TMEM235: variants seen among roughly 807,000 people sequenced by gnomAD.
The protein encoded by TMEM235 is claudin-27.
Under a neutral mutation model 22.9 loss-of-function variants are expected in TMEM235, and 23 were observed. That is an observed-to-expected ratio of 1.00 (90% CI 0.72 to 1.42). The LOEUF (loss-of-function observed/expected upper bound fraction) is 1.42, where lower values mean the gene tolerates loss of function less well. Among genes scored for constraint, TMEM235 ranks in the 40% most tolerant of loss-of-function variants. The pLI, the probability that TMEM235 is intolerant of heterozygous loss-of-function variation, is 0.00. For synonymous variants in TMEM235, 137 were observed against 140.5 expected (o/e 0.98, Z 0.17); for missense variants, 308 against 299.5 (o/e 1.03, Z -0.21).
exon 6 of TMEM235, chr17:78,240,699 C>T (rs906833555): frequency 2.0e-5 from 3 of 152,262 alleles, no homozygotes; most frequent in Admixed American, 1.3e-4. Context: ...TGCCCCACCC[C>T]TAGGTCTCTT....
chr17:78,232,212 A>C (rs1414161253), exon 2 of TMEM235: 1 of 1,462,076 alleles, frequency 6.8e-7, no homozygotes, highest in Non-Finnish European at 9.0e-7. Context: ...GCATCTGCGA[A>C]GGTAACCGGC....
chr17:78,235,524 T>C (rs1005416478), intron 4 of TMEM235, among the ~76,000 whole-genome samples: 2 of 151,262 alleles, frequency 1.3e-5, no homozygotes, highest in Non-Finnish European at 2.9e-5. Context: ...TGACCTCAGG[T>C]AATCCACCTG....
exon 2 of TMEM235, chr17:78,231,600 C>A: frequency 7.7e-7 from 1 of 1,303,364 alleles, no homozygotes. Flanking sequence ...CTCCTGGGGT[C>A]GGTCTCTGGC....
chr17:78,232,010 C>T, exon 2 of TMEM235: 3 of 1,268,350 alleles, frequency 2.4e-6, no homozygotes, highest in Middle Eastern at 3.0e-4. Context: ...CGTCCCCTCC[C>T]GCCGGCCGCC....
exon 2 of TMEM235, chr17:78,231,852 A>C: frequency 8.6e-7 from 1 of 1,163,570 alleles, no homozygotes; most frequent in Non-Finnish European, 1.1e-6. Context: ...TCTCCCTGCG[A>C]CCCCAGGGGG....
Position 78,238,391 on chromosome 17 carries a change from G to A in TMEM235, c.410-633G>A, listed in dbSNP as rs2076667512. Among the ~76,000 whole-genome samples the A allele has an allele frequency of 2.6e-5, 4 of 152,102 alleles. No individual in the cohort carries two copies. The stretch of plus-strand genomic sequence containing the variant: ...GGAAGGGCCTGAAACTCAGAGCTGG[G>A]AGGACAGGGGGGCTCTGGAAGGGGA... On this transcript the variant is annotated intron_variant, in intron 4 of 5. Transcript: ENST00000421688. The surrounding 1 kb of genome is among the most constrained non-coding windows in gnomAD (Gnocchi z 4.3).
intron 5 of TMEM235, 82 bp downstream of exon 4, chr17:78,239,355 T>C: frequency 6.9e-7 from 1 of 1,439,958 alleles, no homozygotes; most frequent in Middle Eastern, 2.4e-4. Flanking sequence ...TGGGAATCCC[T>C]TCTCTGGGCC....
chr17:78,236,821 T>C (rs375370126), intron 4 of TMEM235, among the ~76,000 whole-genome samples: 7 of 152,236 alleles, frequency 4.6e-5, no homozygotes, highest in East Asian at 1.9e-4. Context: ...GGTGCAGAGA[T>C]TGGGGAAACC....
chr17:78,231,769 T>C, exon 2 of TMEM235: 1 of 1,223,296 alleles, frequency 8.2e-7, no homozygotes, highest in Non-Finnish European at 1.1e-6. Context: ...AGCCCCAGGT[T>C]CGCCGCGCGG....
At chr17:78,231,337 T>C in exon 1 of TMEM235, 1 of 1,160,658 alleles carries the variant, frequency 8.6e-7, no homozygotes. Flanking sequence ...CTGCCTGTTT[T>C]CTCCGTGAGT....
chr17:78,234,041 T>A, intron 3 of TMEM235, 66 bp downstream of exon 2: 4 of 1,317,568 alleles, frequency 3.0e-6, no homozygotes, highest in Non-Finnish European at 4.1e-6. Flanking sequence ...ATCCCAGCCA[T>A]CCCCATCCCC....
chr17:78,236,350 G>T (rs2076643559), intron 4 of TMEM235, among the ~76,000 whole-genome samples: 1 of 152,234 alleles, frequency 6.6e-6, no homozygotes, highest in Admixed American at 6.5e-5. Flanking sequence ...ATGAAGGCAG[G>T]TGAGACAGGG....
exon 6 of TMEM235, chr17:78,240,981 A>C (rs1368724635): frequency 6.6e-6 from 1 of 152,292 alleles, no homozygotes; most frequent in Non-Finnish European, 1.5e-5. Context: ...GTGAGCAAAC[A>C]CTGTCACCAG....
chr17:78,234,260 CG>C, intron 3 of TMEM235: 1 of 688,756 alleles, frequency 1.5e-6, no homozygotes, highest in South Asian at 1.5e-5. Flanking sequence ...CTGGATCCTG[CG>C]GGCCTTGCAG....
exon 3 of TMEM235, chr17:78,233,953 C>T (rs1189523260): frequency 2.0e-6 from 3 of 1,532,488 alleles, no homozygotes; most frequent in East Asian, 4.9e-5. Flanking sequence ...TGGACGTCTC[C>T]ACCTCGGTGC....
chr17:78,232,071 G>A, exon 2 of TMEM235: 1 of 1,450,628 alleles, frequency 6.9e-7, no homozygotes. Flanking sequence ...TGGGTGCACT[G>A]CTCAGCTTCG....
intron 2 of TMEM235, 116 bp downstream of exon 1, chr17:78,232,329 C>T (rs1318111287): frequency 7.0e-6 from 7 of 1,004,782 alleles, no homozygotes; most frequent in Non-Finnish European, 9.4e-6. Context: ...CCCTCTCTTG[C>T]ATCCCGCTCT....
chr17:78,234,217 G>A, intron 3 of TMEM235: 7 of 698,536 alleles, frequency 1.0e-5, no homozygotes, highest in Non-Finnish European at 7.8e-6. Flanking sequence ...TCATCCCTTT[G>A]TTATTGGGGA....
At chr17:78,235,528 C>T (rs1432433239) in intron 4 of TMEM235, among the ~76,000 whole-genome samples, 1 of 151,678 alleles carries the variant, frequency 6.6e-6, no homozygotes, top group Non-Finnish European at 1.5e-5. Context: ...CTCAGGTAAT[C>T]CACCTGCCTC....
Sources: gnomAD v4.1 joint callset for allele counts (sites outside exome capture counted in the v4.1 genomes callset) on GRCh38, gnomAD v4.1.1 for gene constraint, Gnocchi (gnomAD v3.1) non-coding constraint, MANE v1.5 for transcripts, NCBI Gene and HGNC (gene_info 2026-07-23, HGNC 2026-07-21) for gene names.